The following RANBP2 variants were observed in gnomAD, a reference collection of about 807,000 sequenced individuals.
The protein encoded by RANBP2 is E3 SUMO-protein ligase RanBP2.
RANBP2 carries 57 observed loss-of-function variants against 303.6 expected under a neutral mutation model. The ratio of observed to expected loss-of-function variants is 0.19; its 90% CI spans 0.15 to 0.23. RANBP2 has a LOEUF of 0.23. Ranked by LOEUF, RANBP2 falls within the 10% of genes least tolerant of loss-of-function variation. The probability of loss-of-function intolerance (pLI) is 1.00; values close to 1 mark genes in which losing one functional copy is unlikely to be tolerated. For missense variants in RANBP2, 3,138 were observed against 3,780.8 expected, an observed-to-expected ratio of 0.83 and a Z score of 4.46; for synonymous variants, 1,167 against 1,301.5, an observed-to-expected ratio of 0.90 and a Z score of 2.23.
the RANBP2 span, among the ~76,000 whole-genome samples, chr2:109,081,142 A>G: frequency 6.6e-6 from 1 of 152,268 alleles, no homozygotes; most frequent in African/African-American, 2.4e-5. Flanking sequence ...ACTCAGGTTA[A>G]AATGATATCT....
chr2:109,614,802 GC>G, the RANBP2 span: 3 of 1,466,620 alleles, frequency 2.0e-6, no homozygotes, highest in East Asian at 3.0e-5. Context: ...CGAGCCCGAG[GC>G]CCCCGACGGC....
At chr2:109,567,905 C>T in the RANBP2 span, 5 of 1,614,008 alleles carry the variant, frequency 3.1e-6, no homozygotes, top group Non-Finnish European at 4.2e-6. Context: ...CACTCATGAG[C>T]TTGATCTTAA....
At chr2:108,970,597 G>A in the RANBP2 span, among the ~76,000 whole-genome samples, 2 of 149,910 alleles carry the variant, frequency 1.3e-5, no homozygotes, top group African/African-American at 4.8e-5. Flanking sequence ...GAATAACCAG[G>A]GTGGGGCAGG....
chr2:109,325,934 T>G, the RANBP2 span, among the ~76,000 whole-genome samples: 2 of 152,256 alleles, frequency 1.3e-5, no homozygotes, highest in Admixed American at 6.5e-5. Context: ...TCTTTCTGCT[T>G]TATTTTTAAT....
chr2:108,874,243 A>G, the RANBP2 span, among the ~76,000 whole-genome samples: 1 of 152,138 alleles, frequency 6.6e-6, no homozygotes, highest in Non-Finnish European at 1.5e-5. Flanking sequence ...CAAGCAGAAG[A>G]GATTTGAAAT....
At chr2:109,310,896 T>C in the RANBP2 span, among the ~76,000 whole-genome samples, 2 of 50,152 alleles carry the variant, frequency 4.0e-5, no homozygotes, top group Non-Finnish European at 3.1e-5. Context: ...GATTCACAGC[T>C]GAATTCTACC....
At chr2:108,817,232 C>G in the RANBP2 span, among the ~76,000 whole-genome samples, 192 of 152,194 alleles carry the variant, frequency 1.3e-3, no homozygotes, top group African/African-American at 4.6e-3. Context: ...AGACTCAACC[C>G]CCTCTTGCTG....
the RANBP2 span, among the ~76,000 whole-genome samples, chr2:108,797,671 G>A: frequency 6.6e-6 from 1 of 152,078 alleles, no homozygotes; most frequent in Non-Finnish European, 1.5e-5. Flanking sequence ...TTTTAATGAG[G>A]GAAGGAGAAG....
chr2:108,755,264 G>A lies in RANBP2; in HGVS notation c.2466+5G>A. The A allele has an allele frequency of 1.2e-6, 2 of 1,611,742 alleles. No individual in the cohort carries two copies. Among genetic ancestry groups the A allele is most frequent in the South Asian group, 1.1e-5 (1 of 90,976 alleles). On this transcript the variant is annotated splice_donor_5th_base_variant and intron_variant, in intron 17 of 28. Coordinates refer to ENST00000283195, the MANE Select transcript of RANBP2 (RefSeq NM_006267.5). The stretch of plus-strand genomic sequence containing the variant: ...CAACAAGTAGAGGCCATTAAGGTAA[G>A]TCACTTAATTTCTCTAGCTGTACTT...
At chr2:108,826,132 G>T in the RANBP2 span, among the ~76,000 whole-genome samples, 1 of 152,002 alleles carries the variant, frequency 6.6e-6, no homozygotes, top group Non-Finnish European at 1.5e-5. Flanking sequence ...TTTGTAGGAG[G>T]TTTTGTTTTT....
chr2:108,789,149 G>T (rs1679477705), downstream of RANBP2, among the ~76,000 whole-genome samples: 1 of 152,180 alleles, frequency 6.6e-6, no homozygotes, highest in South Asian at 2.1e-4. Flanking sequence ...GAGAATCTCT[G>T]TAATAAAAGC....
the RANBP2 span, chr2:109,347,836 A>C: frequency 6.2e-7 from 1 of 1,613,854 alleles, no homozygotes; most frequent in African/African-American, 1.3e-5. Context: ...CCTCCCAGCC[A>C]GCTATATCCA....
chr2:109,543,797 G>A, the RANBP2 span: 2 of 209,346 alleles, frequency 9.6e-6, no homozygotes, highest in Admixed American at 5.6e-5. Flanking sequence ...TGAATATATA[G>A]GTACAAGCTG....
intron 26 of RANBP2, 125 bp downstream of exon 26, chr2:108,781,554 CT>C: frequency 1.2e-6 from 1 of 857,162 alleles, no homozygotes; most frequent in Non-Finnish European, 1.8e-6. Flanking sequence ...AATGGAAGCT[CT>C]ATTTATTAGA....
At chr2:109,186,962 C>T in the RANBP2 span, among the ~76,000 whole-genome samples, 1 of 152,198 alleles carries the variant, frequency 6.6e-6, no homozygotes, top group African/African-American at 2.4e-5. Flanking sequence ...ATGATGCTGC[C>T]TCCCCAACCT....
the RANBP2 span, among the ~76,000 whole-genome samples, chr2:109,489,792 C>T: frequency 6.6e-6 from 1 of 152,146 alleles, no homozygotes; most frequent in South Asian, 2.1e-4. Context: ...GGCTGGAGTG[C>T]AGTGGCGCAA....
At chr2:108,753,725 C>G in intron 14 of RANBP2, 100 bp from the exon 15 acceptor site, 1 of 1,598,848 alleles carries the variant, frequency 6.3e-7, no homozygotes. Flanking sequence ...CCTCAGCTCC[C>G]GAGTAGCTGG....
the RANBP2 span, among the ~76,000 whole-genome samples, chr2:108,962,402 G>A: frequency 6.6e-6 from 1 of 152,126 alleles, no homozygotes; most frequent in Non-Finnish European, 1.5e-5. Context: ...GGCCAGACGC[G>A]GTGGCTCACG....
At chr2:108,787,178 C>T (rs888703881), downstream of RANBP2, among the ~76,000 whole-genome samples, 12 of 151,952 alleles carry the variant, frequency 7.9e-5, no homozygotes, top group Non-Finnish European at 1.8e-4. Flanking sequence ...TGCTATTCAG[C>T]TTTTTTTTGC....
Sources: gnomAD v4.1 joint callset for allele counts (sites outside exome capture counted in the v4.1 genomes callset) on GRCh38, gnomAD v4.1.1 for gene constraint, MANE v1.5 for transcripts, NCBI Gene and HGNC (gene_info 2026-07-23, HGNC 2026-07-21) for gene names.